Variants in PLXNC1 observed in about 807,000 individuals in gnomAD.
PLXNC1 encodes the protein plexin-C1.
PLXNC1 carries 75 observed loss-of-function variants against 178.2 expected under a neutral mutation model. The ratio of observed to expected loss-of-function variants is 0.42; its 90% confidence interval spans 0.35 to 0.51. PLXNC1 has a LOEUF of 0.51. Ranked by LOEUF, PLXNC1 falls within the 20% of genes least tolerant of loss-of-function variation. The pLI, the probability that PLXNC1 is intolerant of heterozygous loss-of-function variation, is 0.02. For synonymous variants in PLXNC1, 790 were observed against 779.9 expected (o/e 1.01, Z -0.22); for missense variants, 1,503 against 1,984.4 (o/e 0.76, Z 4.61).
At chr12:94,154,809 G>A (rs1311970409) in intron 1 of PLXNC1, among the ~76,000 whole-genome samples, 1 of 152,200 alleles carries the variant, frequency 6.6e-6, no homozygotes, top group East Asian at 1.9e-4. Context: ...CTTCTAGACA[G>A]TGTTGGTGTT....
At chr12:94,225,863 A>G (rs1054676594) in intron 7 of PLXNC1, among the ~76,000 whole-genome samples, 1 of 152,200 alleles carries the variant, frequency 6.6e-6, no homozygotes, top group East Asian at 1.9e-4. Flanking sequence ...CCTTCCACGG[A>G]AACTGCAGTT....
intron 30 of PLXNC1, among the ~76,000 whole-genome samples, 154 bp from the exon 31 acceptor site, chr12:94,305,027 C>CAAAACAACTTGCAAAGTGA (rs1968854966): frequency 6.6e-6 from 1 of 152,152 alleles, no homozygotes. Flanking sequence ...AAGGACTTAG[C>CAAAACAACTTGCAAAGTGA]AAAACAACTT....
At chr12:94,170,779 AGTTT>A (rs1335662012) in intron 2 of PLXNC1, among the ~76,000 whole-genome samples, 1 of 152,078 alleles carries the variant, frequency 6.6e-6, no homozygotes, top group Non-Finnish European at 1.5e-5. Context: ...TATGGGAGGG[AGTTT>A]GTTTGTATAC....
At chr12:94,288,411 G>T (rs1966917698) in intron 23 of PLXNC1, among the ~76,000 whole-genome samples, 1 of 152,144 alleles carries the variant, frequency 6.6e-6, no homozygotes, top group Non-Finnish European at 1.5e-5. Flanking sequence ...ATTCTTGGTG[G>T]CCCAACTCCC....
intron 4 of PLXNC1, among the ~76,000 whole-genome samples, chr12:94,188,886 G>T (rs1962618801): frequency 6.6e-6 from 1 of 152,244 alleles, no homozygotes; most frequent in Non-Finnish European, 1.5e-5. Flanking sequence ...GGCCTGTGTG[G>T]TGTCTTCTCC....
intron 23 of PLXNC1, among the ~76,000 whole-genome samples, chr12:94,290,228 C>G (rs889635401): frequency 1.3e-5 from 2 of 152,228 alleles, no homozygotes; most frequent in African/African-American, 2.4e-5. Context: ...AGAAACAGAG[C>G]ATATCCAGCT....
chr12:94,300,866 A>T, intron 27 of PLXNC1, 44 bp from the exon 28 acceptor site: 1 of 1,576,726 alleles, frequency 6.3e-7, no homozygotes, highest in Non-Finnish European at 8.7e-7. Flanking sequence ...CATTGGCTTC[A>T]TGAATGGCCC....
Position 94,294,568 on chromosome 12 carries a change from T to C in PLXNC1, c.3934+28T>C, listed in dbSNP as rs763531322. On this transcript the variant is annotated intron_variant, in intron 24 of 30. Coordinates refer to ENST00000258526, the MANE Select transcript of PLXNC1 (RefSeq NM_005761.3). ...AACCAATATAATATTGTTAACCTTT[T>C]GTTCTCACCCAGCTTCATAAAGTAT... The C allele has an allele frequency of 9.1e-6, 9 of 989,764 alleles. No individual in the cohort carries two copies. In the East Asian group the frequency reaches 2.3e-4, roughly 25 times the overall value. 61.3% of individuals were successfully genotyped at this position (989,764 alleles called of 1,614,324 possible).
intron 28 of PLXNC1, 27 bp from the exon 29 acceptor site, chr12:94,303,729 T>G: frequency 1.5e-6 from 2 of 1,344,720 alleles, no homozygotes; most frequent in Non-Finnish European, 2.0e-6. Context: ...TTGGTGATGG[T>G]TGCTTTTTTT....
intron 6 of PLXNC1, among the ~76,000 whole-genome samples, chr12:94,221,014 G>A (rs1296077138): frequency 6.6e-6 from 1 of 152,244 alleles, no homozygotes; most frequent in East Asian, 1.9e-4. Context: ...GGACCATGAA[G>A]GGCCTTGTGA....
chr12:94,177,137 A>ATATATGTGTGTG (rs201041826), intron 2 of PLXNC1, among the ~76,000 whole-genome samples: 18 of 67,412 alleles, frequency 2.7e-4, no homozygotes, highest in African/African-American at 1.3e-3. Context: ...GTGTATATAT[A>ATATATGTGTGTG]TGTGTGTGTG....
chr12:94,306,472 T>C lies in PLXNC1; in HGVS notation c.*1187T>C, dbSNP rs1969030184. 1 of 152,206 alleles carries C rather than the reference T, an allele frequency of 6.6e-6. No homozygotes were observed. The highest frequency in any genetic ancestry group is 1.5e-5 in the Non-Finnish European group (1 of 68,036). The allele number at this position is 152,206 out of a possible 1,614,324, so 9.4% of individuals were successfully genotyped here. ...TATACTGTAGTCTTTTTAGTGCTGA[T>C]TTTTTAATTCCTGAATTTTTGCTGC... On this transcript the variant is annotated 3_prime_UTR_variant, in exon 31 of 31. Coordinates refer to ENST00000258526, the MANE Select transcript of PLXNC1 (RefSeq NM_005761.3).
In PLXNC1 at chr12:94,228,001, C is replaced by T. The variant is rs1963993603; in HGVS notation, c.1980+766C>T. Among the ~76,000 whole-genome samples the T allele has an allele frequency of 2.0e-5, 3 of 152,188 alleles. No individual in the cohort carries two copies. In the South Asian group the frequency reaches 6.2e-4, roughly 32 times the overall value. On this transcript the variant is annotated intron_variant, in intron 9 of 30. Coordinates refer to ENST00000258526, the MANE Select transcript of PLXNC1 (RefSeq NM_005761.3). ...GCAGAAATAGACAAATTAAAAATGA[C>T]AGCTCTGGGGAGAAAAGGGCTCCAT...
At chr12:94,286,113 T>G (rs988054106) in intron 23 of PLXNC1, among the ~76,000 whole-genome samples, 1 of 152,212 alleles carries the variant, frequency 6.6e-6, no homozygotes, top group Non-Finnish European at 1.5e-5. Context: ...ACCTATCTGC[T>G]TAAGGATGAT....
chr12:94,229,273 T>C (rs979645295), intron 9 of PLXNC1, among the ~76,000 whole-genome samples: 1 of 152,216 alleles, frequency 6.6e-6, no homozygotes. Context: ...GTTGTTGAGT[T>C]GTAGGAGTTC....
At chr12:94,238,717 T>C (rs1964304711) in intron 10 of PLXNC1, among the ~76,000 whole-genome samples, 1 of 152,250 alleles carries the variant, frequency 6.6e-6, no homozygotes, top group Admixed American at 6.5e-5. Context: ...TACAGCATTC[T>C]AATCTGCTAT....
chr12:94,235,136 A>G (rs993949310), intron 9 of PLXNC1, among the ~76,000 whole-genome samples: 4 of 152,112 alleles, frequency 2.6e-5, no homozygotes, highest in African/African-American at 9.7e-5. Context: ...TGAAGCACCC[A>G]CTTTCACAAG....
Position 94,149,391 on chromosome 12 carries a change from C to T in PLXNC1, c.420C>T (p.Gly140=). The T allele has an allele frequency of 7.0e-7, 1 of 1,430,194 alleles. No individual in the cohort carries two copies. Among genetic ancestry groups the T allele is most frequent in the South Asian group, 1.5e-5 (1 of 67,252 alleles). The allele number at this position is 1,430,194 out of a possible 1,614,324, so 88.6% of individuals were successfully genotyped here. A position where few individuals can be genotyped will look rare whatever the true frequency, so the allele number is the denominator to read the frequency against. ...DRGACEVRPL[G]NLSRNSLRNG... is the part of the protein sequence containing the mutation. ...GCGCCTGCGAGGTGCGGCCCCTGGGCAACCTGAGCCGCAACTCCCTGCGCA... is the reference window on the plus strand; with the variant it reads ...GCGCCTGCGAGGTGCGGCCCCTGGGTAACCTGAGCCGCAACTCCCTGCGCA... Residue 140 remains glycine (G), a synonymous_variant, in exon 1 of 31, where the codon GGC becomes GGT. Transcript: ENST00000258526.
chr12:94,155,930 G>A (rs1223681546), intron 1 of PLXNC1, among the ~76,000 whole-genome samples: 1 of 152,188 alleles, frequency 6.6e-6, no homozygotes, highest in Admixed American at 6.5e-5. Flanking sequence ...GGGATATTGT[G>A]GACAGAAACA....
Sources: allele counts gnomAD v4.1 joint callset (sites outside exome capture counted in the v4.1 genomes callset), GRCh38; gene constraint gnomAD v4.1.1; transcripts MANE v1.5; gene names NCBI Gene and HGNC (gene_info 2026-07-23, HGNC 2026-07-21).